Variants in INPP4A observed in about 807,000 individuals in gnomAD.
INPP4A encodes inositol polyphosphate-4-phosphatase, type I, 107kD.
A neutral mutation model predicts 119.8 loss-of-function variants in INPP4A; 33 were observed. That is an observed-to-expected ratio of 0.28 (90% CI 0.21 to 0.37). The LOEUF (loss-of-function observed/expected upper bound fraction) is 0.37. INPP4A is among the 10% of genes least tolerant of loss of function. The probability of loss-of-function intolerance (pLI) is 1.00; values close to 1 mark genes in which losing one functional copy is unlikely to be tolerated. For missense variants in INPP4A, 956 were observed against 1,289.9 expected, an observed-to-expected ratio of 0.74 and a Z score of 3.97; for synonymous variants, 496 against 500.7, an observed-to-expected ratio of 0.99 and a Z score of 0.12.
intron 4 of INPP4A, among the ~76,000 whole-genome samples, chr2:98,528,659 G>C (rs1441030239): frequency 1.3e-5 from 2 of 152,182 alleles, no homozygotes; most frequent in Admixed American, 1.3e-4. Context: ...AGCAAGAAAG[G>C]AGTGACTTAT....
rs1210013386 is a variant in INPP4A at position 98,594,191 on chromosome 2, G to A, written c.*6583G>A. ...CAAATTCAAAAGGTCAAAGGAGAAG[G>A]CAAATGGCAGAGTGTGGTAAAGGGG... On this transcript the variant is annotated 3_prime_UTR_variant, in exon 25 of 25. Transcript: ENST00000409851. 3 of 152,210 alleles carry A rather than the reference G, an allele frequency of 2.0e-5. No individual in the cohort carries two copies. Among genetic ancestry groups the A allele is most frequent in the Non-Finnish European group, 2.9e-5 (2 of 68,036 alleles). 9.4% of individuals were successfully genotyped at this position (152,210 alleles called of 1,614,324 possible).
At chr2:98,534,854 C>G (rs1172051926) in intron 5 of INPP4A, among the ~76,000 whole-genome samples, 1 of 152,170 alleles carries the variant, frequency 6.6e-6, no homozygotes, top group Non-Finnish European at 1.5e-5. Context: ...GTGGACCTTG[C>G]AAGGGGAGTT....
chr2:98,541,870 C>CCGT (rs1389940977), intron 10 of INPP4A, among the ~76,000 whole-genome samples: 2 of 152,164 alleles, frequency 1.3e-5, no homozygotes, highest in African/African-American at 4.8e-5. Flanking sequence ...CAGGCATGAC[C>CCGT]CACCATTCCT....
rs75694151 is a variant in INPP4A at position 98,511,991 on chromosome 2, A to G, written c.-165-6973A>G. The stretch of plus-strand genomic sequence containing the variant: ...ACTGGAGAAGGTAGGAAAGTTGGGT[A>G]AAACTCACATAGACTTAGCTGTAGA... On this transcript the variant is annotated intron_variant, in intron 1 of 24. Transcript: ENST00000409851. 9.8e-5 allele frequency among the ~76,000 whole-genome samples: 15 copies of G among 152,330 alleles called. 1 individual carries two copies. The East Asian group carries it at 2.9e-3, about 29-fold the overall frequency.
At chr2:98,562,181 T>G (rs542672229) in intron 17 of INPP4A, among the ~76,000 whole-genome samples, 1 of 152,374 alleles carries the variant, frequency 6.6e-6, no homozygotes, top group African/African-American at 2.4e-5. Flanking sequence ...TTAAGCCTGC[T>G]TTTTCCATTA....
chr2:98,469,266 A>G (rs1479544115), intron 1 of INPP4A, among the ~76,000 whole-genome samples: 1 of 152,164 alleles, frequency 6.6e-6, no homozygotes, highest in Non-Finnish European at 1.5e-5. Flanking sequence ...TGGGAGGCCG[A>G]GGTGGGTAGA....
At chr2:98,581,936 A>C in intron 24 of INPP4A, 1 of 1,017,848 alleles carries the variant, frequency 9.8e-7, no homozygotes, top group Non-Finnish European at 1.4e-6. Flanking sequence ...AAATTATTTC[A>C]CCAAGAAGAC....
intron 13 of INPP4A, among the ~76,000 whole-genome samples, chr2:98,548,287 G>A (rs904739767): frequency 2.0e-5 from 3 of 152,218 alleles, no homozygotes; most frequent in African/African-American, 4.8e-5. Flanking sequence ...ATTCCCAGGG[G>A]TGCTTCCCTA....
At chr2:98,544,879 G>A (rs1692192922) in intron 11 of INPP4A, among the ~76,000 whole-genome samples, 1 of 152,224 alleles carries the variant, frequency 6.6e-6, no homozygotes, top group Admixed American at 6.5e-5. Flanking sequence ...TGAAGAGAGG[G>A]TCTGAGTATG....
At chr2:98,581,826 C>A in intron 24 of INPP4A, 1 of 1,524,430 alleles carries the variant, frequency 6.6e-7, no homozygotes, top group Non-Finnish European at 8.8e-7. Flanking sequence ...CCACCGTGTA[C>A]CTAACTGGAC....
chr2:98,490,176 G>A lies in INPP4A; in HGVS notation c.-165-28788G>A, dbSNP rs187398268. 6.1e-4 allele frequency among the ~76,000 whole-genome samples: 92 copies of A among 152,050 alleles called. 3 individuals carry two copies. The East Asian group carries it at 0.012, about 20-fold the overall frequency. On this transcript the variant is annotated intron_variant, in intron 1 of 24. Coordinates refer to ENST00000409851, the MANE Select transcript of INPP4A (RefSeq NM_001134225.2). ...AAGACTCCATGTGTTTGGCATGGCC[G>A]CTTACTTGGAGAATGGCAGTGCCAT...
chr2:98,473,198 GGA>G (rs1211367436), intron 1 of INPP4A, among the ~76,000 whole-genome samples: 2 of 150,354 alleles, frequency 1.3e-5, no homozygotes, highest in African/African-American at 2.4e-5. Flanking sequence ...TGGGTGGAGT[GGA>G]GAGAGTGGAG....
In INPP4A at chr2:98,592,671, G is replaced by C. The variant is rs904902017; in HGVS notation, c.*5063G>C. ...CAAGCAGCGCGGCCTCTGGCAGAGA[G>C]AGCGCTGGGTTGTACAGATGGAAAC... On this transcript the variant is annotated 3_prime_UTR_variant, in exon 25 of 25. Transcript: ENST00000409851. 4.6e-5 allele frequency: 7 copies of C among 152,382 alleles called. No individual in the cohort carries two copies. Among genetic ancestry groups the C allele is most frequent in the African/African-American group, 1.7e-4 (7 of 41,592 alleles). 9.4% of individuals were successfully genotyped at this position (152,382 alleles called of 1,614,324 possible).
intron 16 of INPP4A, among the ~76,000 whole-genome samples, chr2:98,558,792 T>G (rs922339631): frequency 6.6e-6 from 1 of 152,252 alleles, no homozygotes. Context: ...AGTAAGTACA[T>G]CCCAGTGTGA....
chr2:98,473,114 TGAG>T (rs1676415957), intron 1 of INPP4A, among the ~76,000 whole-genome samples: 1 of 135,148 alleles, frequency 7.4e-6, no homozygotes, highest in Admixed American at 7.3e-5. Context: ...CAGTGTAGAG[TGAG>T]GAGGGCAGTG....
intron 7 of INPP4A, 134 bp from the exon 8 acceptor site, chr2:98,537,729 C>T (rs1406417322): frequency 9.1e-6 from 6 of 661,994 alleles, no homozygotes; most frequent in Non-Finnish European, 1.4e-5. Flanking sequence ...ACAGTGAATG[C>T]TGACTGACTG....
At chr2:98,510,536 T>C (rs1421836580) in intron 1 of INPP4A, among the ~76,000 whole-genome samples, 1 of 152,246 alleles carries the variant, frequency 6.6e-6, no homozygotes, top group African/African-American at 2.4e-5. Context: ...TAGGGTCTGC[T>C]GAGGGCCTTC....
At chr2:98,510,696 C>G (rs1389955843) in intron 1 of INPP4A, among the ~76,000 whole-genome samples, 2 of 152,206 alleles carry the variant, frequency 1.3e-5, no homozygotes, top group Non-Finnish European at 2.9e-5. Context: ...AATACTATCA[C>G]ATTGATGGCT....
intron 24 of INPP4A, among the ~76,000 whole-genome samples, chr2:98,585,169 A>G (rs974332479): frequency 2.6e-5 from 4 of 152,130 alleles, no homozygotes; most frequent in African/African-American, 4.8e-5. Context: ...TCCAGCAGAG[A>G]TTTTAACACA....
Sources: gnomAD v4.1 joint callset for allele counts (sites outside exome capture counted in the v4.1 genomes callset) on GRCh38, gnomAD v4.1.1 for gene constraint, MANE v1.5 for transcripts, NCBI Gene and HGNC (gene_info 2026-07-23, HGNC 2026-07-21) for gene names.